Variants in STK32B observed in about 807,000 individuals in gnomAD.
STK32B encodes the protein serine/threonine kinase 32B.
A neutral mutation model predicts 52.6 loss-of-function variants in STK32B; 43 were observed. The observed-to-expected ratio is 0.82, with a 90% confidence interval of 0.64 to 1.05. STK32B has a LOEUF of 1.05. STK32B is among the 50% of genes least tolerant of loss of function. The probability of loss-of-function intolerance (pLI) is 0.00; values close to 1 mark genes in which losing one functional copy is unlikely to be tolerated. For synonymous variants in STK32B, 238 were observed against 204.3 expected, an observed-to-expected ratio of 1.17 and a Z score of -1.41; for missense variants, 621 against 534.6, an observed-to-expected ratio of 1.16 and a Z score of -1.59.
At chr4:5,304,833 A>T (rs1179272885) in intron 3 of STK32B, among the ~76,000 whole-genome samples, 2 of 151,964 alleles carry the variant, frequency 1.3e-5, no homozygotes, top group East Asian at 3.9e-4. Flanking sequence ...TTTGTCATAG[A>T]TGGCTTTTAT....
At position 5,363,313 on chromosome 4, in the gene STK32B, A is replaced by G. The variant is rs142679113; in HGVS notation, c.434+31920A>G. On this transcript the variant is annotated intron_variant, in intron 4 of 11. Transcript: ENST00000282908. Reference sequence around the variant, plus strand: ...ATGCACCTATTATTTCGCTTTGGCTATATTTTATGATTCCACTTTTTTTAG... The same window carrying G: ...ATGCACCTATTATTTCGCTTTGGCTGTATTTTATGATTCCACTTTTTTTAG... 4.5e-3 allele frequency among the ~76,000 whole-genome samples: 687 copies of G among 152,364 alleles called. 4 individuals carry two copies. The highest frequency in any genetic ancestry group is 0.015 in the African/African-American group (624 of 41,582).
At chr4:5,236,211 C>A (rs1476716899) in intron 3 of STK32B, among the ~76,000 whole-genome samples, 1 of 152,178 alleles carries the variant, frequency 6.6e-6, no homozygotes, top group African/African-American at 2.4e-5. Flanking sequence ...GTCACTCTCA[C>A]CATGTTCCAG....
At chr4:5,353,544 TAAA>T (rs138450850) in intron 4 of STK32B, among the ~76,000 whole-genome samples, 7 of 142,202 alleles carry the variant, frequency 4.9e-5, no homozygotes, top group East Asian at 4.1e-4. Flanking sequence ...AACTCAACAG[TAAA>T]AAAAAAAAAT....
Position 5,499,786 on chromosome 4 carries a change from C to G in STK32B, c.*703C>G, listed in dbSNP as rs1389813793. 1 of 152,378 alleles carries G rather than the reference C, an allele frequency of 6.6e-6. No individual in the cohort carries two copies. The highest frequency in any genetic ancestry group is 2.4e-5 in the African/African-American group (1 of 41,456). 9.4% of individuals were successfully genotyped at this position (152,378 alleles called of 1,614,324 possible). ...AGCAGTCCTCACCACCACCATATCCCCAGTGCTGGGATGGCACACAGGTGT... is the reference window on the plus strand; with the variant it reads ...AGCAGTCCTCACCACCACCATATCCGCAGTGCTGGGATGGCACACAGGTGT... On this transcript the variant is annotated 3_prime_UTR_variant, in exon 12 of 12. Transcript: ENST00000282908.
At chr4:5,381,548 G>A (rs1478304955) in intron 4 of STK32B, among the ~76,000 whole-genome samples, 1 of 152,250 alleles carries the variant, frequency 6.6e-6, no homozygotes, top group African/African-American at 2.4e-5. Flanking sequence ...CATGGAAAAT[G>A]TGGTCAGCAC....
At chr4:5,302,729 T>C (rs937696671) in intron 3 of STK32B, among the ~76,000 whole-genome samples, 1 of 152,064 alleles carries the variant, frequency 6.6e-6, no homozygotes, top group South Asian at 2.1e-4. Context: ...CTGTACCCGA[T>C]GTGTAGTCTT....
intron 1 of STK32B, among the ~76,000 whole-genome samples, chr4:5,099,457 C>CACACGT (rs1553823555): frequency 1.4e-5 from 2 of 146,270 alleles, no homozygotes; most frequent in East Asian, 2.0e-4. Context: ...TGTGCGCGCG[C>CACACGT]GCGTATGTGA....
rs191147766 is a variant in STK32B at position 5,197,989 on chromosome 4, A to G, written c.260+29539A>G. On this transcript the variant is annotated intron_variant, in intron 3 of 11. Transcript: ENST00000282908. The stretch of plus-strand genomic sequence containing the variant: ...AATGATAATAATGAAAATATTTAGA[A>G]TTCACTGCATTTTTTTTTCTGCATG... Among the ~76,000 whole-genome samples, 79 of 152,242 alleles carry G rather than the reference A, an allele frequency of 5.2e-4. No homozygotes were observed. The East Asian group carries it at 0.012, about 23-fold the overall frequency.
At chr4:5,047,785 T>C (rs140237999), upstream of STK32B, among the ~76,000 whole-genome samples, 2 of 152,324 alleles carry the variant, frequency 1.3e-5, no homozygotes, top group African/African-American at 4.8e-5. Flanking sequence ...GGTTGAACAG[T>C]GGCCCCCAGT....
chr4:5,052,042 G>A, intron 1 of STK32B, 127 bp downstream of exon 1: 1 of 1,400,240 alleles, frequency 7.1e-7, no homozygotes, highest in Non-Finnish European at 9.8e-7. Flanking sequence ...ACTTCGCCCA[G>A]CGAATGCAGT....
At chr4:5,495,577 G>A (rs981385649) in intron 11 of STK32B, among the ~76,000 whole-genome samples, 3 of 152,132 alleles carry the variant, frequency 2.0e-5, no homozygotes, top group Non-Finnish European at 2.9e-5. Flanking sequence ...CTCTCAACTC[G>A]TCAAAGTCAT....
At chr4:5,101,582 C>A (rs887663081) in intron 1 of STK32B, among the ~76,000 whole-genome samples, 7 of 152,102 alleles carry the variant, frequency 4.6e-5, no homozygotes, top group African/African-American at 1.7e-4. Context: ...TTTTCTGATA[C>A]AATAGAAATT....
At chr4:5,333,963 T>C (rs193219088) in intron 4 of STK32B, among the ~76,000 whole-genome samples, 3 of 152,332 alleles carry the variant, frequency 2.0e-5, no homozygotes, top group Non-Finnish European at 4.4e-5. Flanking sequence ...ATGCGAGCTC[T>C]TTTTTGGTTC....
At chr4:5,265,348 T>C (rs963523459) in intron 3 of STK32B, among the ~76,000 whole-genome samples, 1 of 152,258 alleles carries the variant, frequency 6.6e-6, no homozygotes, top group African/African-American at 2.4e-5. Flanking sequence ...ACCTGCTGCA[T>C]ACATGGGCTT....
chr4:5,348,842 C>T (rs955384759), intron 4 of STK32B, among the ~76,000 whole-genome samples: 4 of 152,172 alleles, frequency 2.6e-5, no homozygotes, highest in Non-Finnish European at 4.4e-5. Context: ...AGCCAAGGGA[C>T]CTGGGGGAAT....
intron 3 of STK32B, among the ~76,000 whole-genome samples, chr4:5,207,377 C>G (rs1229193095): frequency 1.3e-5 from 2 of 152,166 alleles, no homozygotes; most frequent in African/African-American, 2.4e-5. Context: ...TTCATGAGAT[C>G]TGGTGGTTTT....
At chr4:5,495,906 C>T (rs1179879776) in intron 11 of STK32B, among the ~76,000 whole-genome samples, 1 of 152,130 alleles carries the variant, frequency 6.6e-6, no homozygotes, top group Non-Finnish European at 1.5e-5. Flanking sequence ...TCCTGAACTG[C>T]GAATGCTGCT....
the STK32B span, among the ~76,000 whole-genome samples, chr4:5,024,272 C>A: frequency 4.6e-5 from 7 of 152,126 alleles, no homozygotes; most frequent in African/African-American, 1.7e-4. Context: ...TCTGGGTAGG[C>A]CTGATTTACT....
chr4:5,237,098 C>A (rs553328986), intron 3 of STK32B, among the ~76,000 whole-genome samples: 1 of 152,240 alleles, frequency 6.6e-6, no homozygotes, highest in East Asian at 1.9e-4. Flanking sequence ...TCTGGAGCCT[C>A]AAGGAGTTTG....
Sources: gnomAD v4.1 joint callset for allele counts (sites outside exome capture counted in the v4.1 genomes callset) on GRCh38, gnomAD v4.1.1 for gene constraint, MANE v1.5 for transcripts, NCBI Gene and HGNC (gene_info 2026-07-23, HGNC 2026-07-21) for gene names.